TNR: variants seen among roughly 807,000 people sequenced by gnomAD.
TNR encodes tenascin R, also known as tenascin-R.
A neutral mutation model predicts 150.4 loss-of-function variants in TNR; 45 were observed. That is an observed-to-expected ratio of 0.30 (90% CI 0.24 to 0.38). TNR has a LOEUF of 0.38. Among genes scored for constraint, TNR ranks in the 10% least tolerant of loss-of-function variants. TNR has a pLI of 1.00. For synonymous variants in TNR, 687 were observed against 678.4 expected (o/e 1.01, Z -0.20); for missense variants, 1,544 against 1,759.1 (o/e 0.88, Z 2.19).
rs1179029163 is a variant in TNR, at chr1:175,319,687, T to G, written c.*3670A>C. The G allele has an allele frequency of 2.0e-5, 3 of 152,310 alleles. No homozygotes were observed. Among genetic ancestry groups the G allele is most frequent in the African/African-American group, 4.8e-5 (2 of 41,472 alleles). 9.4% of individuals were successfully genotyped at this position (152,310 alleles called of 1,614,324 possible). ...CTGCCATATGTTGTTGTTGTTCTTT[T>G]ACAAATCAATCTCCCATACAAATCA... On this transcript the variant is annotated 3_prime_UTR_variant, in exon 23 of 23. Transcript: ENST00000367674.
intron 2 of TNR, among the ~76,000 whole-genome samples, chr1:175,472,899 C>T (rs564299001): frequency 2.0e-5 from 3 of 152,276 alleles, no homozygotes; most frequent in South Asian, 4.1e-4. Flanking sequence ...TCTCATAGCC[C>T]ATCTTTGTGC....
Position 175,404,009 on chromosome 1 carries a change from A to G in TNR, c.500-393T>C, listed in dbSNP as rs541839970. 6.6e-5 allele frequency among the ~76,000 whole-genome samples: 10 copies of G among 152,254 alleles called. No individual in the cohort carries two copies. In the East Asian group the frequency reaches 1.7e-3, roughly 27 times the overall value. On this transcript the variant is annotated intron_variant, in intron 3 of 22. Transcript: ENST00000367674. Reference sequence around the variant, plus strand: ...AGGGAACGTGCTCAAGCCCAGGTGCATTATCAAGCCAAGTTCCAGAAGAGT... The same window carrying G: ...AGGGAACGTGCTCAAGCCCAGGTGCGTTATCAAGCCAAGTTCCAGAAGAGT...
chr1:175,620,540 C>T (rs1025188938), intron 1 of TNR, among the ~76,000 whole-genome samples: 41 of 152,186 alleles, frequency 2.7e-4, no homozygotes, highest in African/African-American at 9.9e-4. Context: ...AGCAGAGCTG[C>T]TAACAAGCAG....
chr1:175,330,285 G>A, intron 20 of TNR, 50 bp from the exon 21 acceptor site: 1 of 1,444,292 alleles, frequency 6.9e-7, no homozygotes, highest in Non-Finnish European at 9.2e-7. Flanking sequence ...AGCAGCTTTG[G>A]AAAATGGGAG....
intron 1 of TNR, among the ~76,000 whole-genome samples, chr1:175,618,325 A>G (rs1558039710): frequency 6.6e-6 from 1 of 152,332 alleles, no homozygotes; most frequent in East Asian, 1.9e-4. Context: ...CTGAGGTTTA[A>G]AGTGATATCA....
chr1:175,331,051 T>TTCTTTTTCTTTCTTTCTTTCCTTC, intron 20 of TNR, among the ~76,000 whole-genome samples: 1 of 106,766 alleles, frequency 9.4e-6, no homozygotes, highest in African/African-American at 3.6e-5. Context: ...CTTTCTTTCT[T>TTCTTTTTCTTTCTTTCTTTCCTTC]TCTTTCTTTC....
At chr1:175,463,041 A>C (rs1189295173) in intron 2 of TNR, among the ~76,000 whole-genome samples, 2 of 152,204 alleles carry the variant, frequency 1.3e-5, no homozygotes, top group African/African-American at 2.4e-5. Flanking sequence ...GAACAGGCCA[A>C]CAGTAACTTT....
intron 1 of TNR, among the ~76,000 whole-genome samples, chr1:175,631,880 T>C (rs747748395): frequency 2.0e-5 from 3 of 152,234 alleles, no homozygotes; most frequent in Non-Finnish European, 4.4e-5. Flanking sequence ...TTATATGTCA[T>C]AAACAGCATG....
chr1:175,429,824 C>T (rs935605329), intron 2 of TNR, among the ~76,000 whole-genome samples: 1 of 152,050 alleles, frequency 6.6e-6, no homozygotes, highest in Non-Finnish European at 1.5e-5. Flanking sequence ...GTCTCATCAC[C>T]AAGAAGGCAC....
rs1336262001 is a variant in TNR, at chr1:175,470,052, A to G, written c.-64+58217T>C. On this transcript the variant is annotated intron_variant, in intron 2 of 22. Coordinates refer to ENST00000367674, the MANE Select transcript of TNR (RefSeq NM_003285.3). Reference sequence around the variant, plus strand: ...ATTTCTAACTGGCATGGTTGGTATAATCCACTGTGAAAAGAAACTGTGAGG... The same window carrying G: ...ATTTCTAACTGGCATGGTTGGTATAGTCCACTGTGAAAAGAAACTGTGAGG... 2.0e-5 allele frequency among the ~76,000 whole-genome samples: 3 copies of G among 152,236 alleles called. No homozygotes were observed. The South Asian group carries it at 6.2e-4, about 32-fold the overall frequency.
chr1:175,434,501 T>C (rs1278659528), intron 2 of TNR, among the ~76,000 whole-genome samples: 1 of 152,212 alleles, frequency 6.6e-6, no homozygotes, highest in Non-Finnish European at 1.5e-5. Flanking sequence ...CCATTTGCCC[T>C]GGAGTTGATA....
intron 6 of TNR, among the ~76,000 whole-genome samples, chr1:175,392,195 G>T (rs368887486): frequency 1.3e-5 from 2 of 151,930 alleles, no homozygotes; most frequent in East Asian, 3.9e-4. Context: ...CTATCTTATC[G>T]TTCCCTCTCT....
At chr1:175,663,018 C>A (rs1032680311) in intron 1 of TNR, among the ~76,000 whole-genome samples, 43 of 152,184 alleles carry the variant, frequency 2.8e-4, no homozygotes, top group Admixed American at 6.5e-5. Flanking sequence ...AAGGATTACA[C>A]GAGATAATTC....
At chr1:175,547,605 G>GAAACAAAGAAAC (rs1286449335) in intron 1 of TNR, among the ~76,000 whole-genome samples, 1 of 21,686 alleles carries the variant, frequency 4.6e-5, no homozygotes, top group African/African-American at 8.2e-5. Flanking sequence ...AAGAAAGAAA[G>GAAACAAAGAAAC]AAAGAAACAA....
intron 2 of TNR, among the ~76,000 whole-genome samples, chr1:175,492,501 G>A (rs548865645): frequency 6.6e-6 from 1 of 152,340 alleles, no homozygotes; most frequent in Admixed American, 6.5e-5. Context: ...GAGCAGGGTA[G>A]TTTGGGAAAG....
chr1:175,391,832 T>G (rs910936324), intron 6 of TNR, among the ~76,000 whole-genome samples: 37 of 152,248 alleles, frequency 2.4e-4, no homozygotes, highest in African/African-American at 8.7e-4. Flanking sequence ...TGCCCCCGGC[T>G]ATTTAGGAGA....
intron 1 of TNR, chr1:175,539,083 G>T (rs889751942): frequency 1.3e-5 from 2 of 152,236 alleles, no homozygotes. Context: ...TCCCCAGTCG[G>T]TGAGGGCCTG....
In TNR at chr1:175,324,343, G is replaced by A; in HGVS notation, c.3957+13C>T. The A allele has an allele frequency of 1.2e-6, 2 of 1,610,980 alleles. No homozygotes were observed. Among genetic ancestry groups the A allele is most frequent in the Non-Finnish European group, 1.7e-6 (2 of 1,178,804 alleles). On this transcript the variant is annotated intron_variant, in intron 22 of 22. Transcript: ENST00000367674. ...CTCTGGCTCATTCATAGCAGAGGTG[G>A]AGCATCGCTTACCTGACTGTGCCTG...
intron 20 of TNR, among the ~76,000 whole-genome samples, chr1:175,334,120 G>A (rs995638694): frequency 2.6e-5 from 4 of 152,142 alleles, no homozygotes; most frequent in African/African-American, 9.7e-5. Context: ...ATTAGCCATC[G>A]CCCATATTTG....
Sources: gnomAD v4.1 joint callset for allele counts (sites outside exome capture counted in the v4.1 genomes callset) on GRCh38, gnomAD v4.1.1 for gene constraint, MANE v1.5 for transcripts, NCBI Gene and HGNC (gene_info 2026-07-23, HGNC 2026-07-21) for gene names.